Variants in DPP6 observed in about 807,000 individuals in gnomAD.
The protein encoded by DPP6 is dipeptidyl peptidase like 6.
In DPP6, 69 loss-of-function variants were observed where a neutral mutation model predicts 122.6. That is an observed-to-expected ratio of 0.56 (90% CI 0.46 to 0.69). The LOEUF is 0.69. DPP6 is among the 30% of genes least tolerant of loss of function. The probability of loss-of-function intolerance (pLI) is 0.00; values close to 1 mark genes in which losing one functional copy is unlikely to be tolerated. For synonymous variants in DPP6, 418 were observed against 433.1 expected (o/e 0.97, Z 0.43); for missense variants, 928 against 1,116.9 (o/e 0.83, Z 2.41).
At chr7:154,318,599 A>C (rs1807641749) in intron 1 of DPP6, among the ~76,000 whole-genome samples, 1 of 152,236 alleles carries the variant, frequency 6.6e-6, no homozygotes, top group Non-Finnish European at 1.5e-5. Context: ...AGCAAGTTAA[A>C]GATGTCCCAG....
chr7:154,047,792 G>T (rs569162008), upstream of DPP6, among the ~76,000 whole-genome samples: 783 of 151,874 alleles, frequency 5.2e-3, 1 homozygote, highest in African/African-American at 0.018. Context: ...GAAGGGACAT[G>T]CATGAAGGCA....
intron 1 of DPP6, among the ~76,000 whole-genome samples, chr7:153,922,685 A>C (rs1328676251): frequency 6.6e-6 from 1 of 152,234 alleles, no homozygotes; most frequent in African/African-American, 2.4e-5. Flanking sequence ...TCCATAAAAC[A>C]GTGTTACATA....
intron 3 of DPP6, among the ~76,000 whole-genome samples, chr7:154,535,823 C>T (rs1024634379): frequency 1.3e-5 from 2 of 152,080 alleles, no homozygotes; most frequent in African/African-American, 4.8e-5. Context: ...CAGTGAGATA[C>T]CACTACACAC....
intron 16 of DPP6, among the ~76,000 whole-genome samples, chr7:154,834,872 G>A (rs1038758728): frequency 3.3e-5 from 5 of 152,212 alleles, no homozygotes; most frequent in South Asian, 4.1e-4. Context: ...AGACACTGCC[G>A]CAGGGCACCC....
chr7:154,695,056 A>G (rs532548777), intron 7 of DPP6, among the ~76,000 whole-genome samples: 5 of 152,360 alleles, frequency 3.3e-5, no homozygotes, highest in Admixed American at 3.3e-4. Context: ...TCATTAAAAT[A>G]GACCCCGTGG....
intron 1 of DPP6, among the ~76,000 whole-genome samples, chr7:154,445,071 A>G (rs28584385): frequency 1.3e-5 from 2 of 152,164 alleles, no homozygotes; most frequent in African/African-American, 2.4e-5. Context: ...ATGATATTGC[A>G]TATTGTCTAT....
chr7:154,886,987 TTTC>T (rs1193359692), intron 22 of DPP6, among the ~76,000 whole-genome samples: 5 of 152,254 alleles, frequency 3.3e-5, no homozygotes, highest in African/African-American at 9.6e-5. Flanking sequence ...TGAGTGAGAC[TTTC>T]TTAATTCTTT....
chr7:153,838,691 G>A, the DPP6 span, among the ~76,000 whole-genome samples: 1 of 152,088 alleles, frequency 6.6e-6, no homozygotes, highest in African/African-American at 2.4e-5. Flanking sequence ...TTAATGCCTT[G>A]GTGTAAGAAA....
At chr7:154,723,030 G>A (rs930291882) in intron 7 of DPP6, among the ~76,000 whole-genome samples, 1 of 152,124 alleles carries the variant, frequency 6.6e-6, no homozygotes, top group Non-Finnish European at 1.5e-5. Context: ...GGAGGCTGAG[G>A]TGGGTGGATC....
At chr7:154,657,961 T>C (rs1273609332) in intron 6 of DPP6, among the ~76,000 whole-genome samples, 1 of 152,192 alleles carries the variant, frequency 6.6e-6, no homozygotes, top group Non-Finnish European at 1.5e-5. Flanking sequence ...TGATTCCAAC[T>C]ATGTGACATT....
At chr7:153,839,074 ATGCTGC>A in the DPP6 span, among the ~76,000 whole-genome samples, 17 of 151,980 alleles carry the variant, frequency 1.1e-4, no homozygotes, top group Non-Finnish European at 1.6e-4. Flanking sequence ...AAGTTTCCAG[ATGCTGC>A]TGCTGCTGCT....
chr7:153,916,408 T>G, intron 1 of DPP6, among the ~76,000 whole-genome samples: 1 of 53,784 alleles, frequency 1.9e-5, no homozygotes, highest in Admixed American at 2.7e-4. Context: ...CCTCCCCTCC[T>G]CTCTCCTCCC....
chr7:154,356,631 TTCTA>T (rs1213408217), intron 1 of DPP6, among the ~76,000 whole-genome samples: 5 of 151,932 alleles, frequency 3.3e-5, no homozygotes, highest in South Asian at 2.1e-4. Context: ...AGTCAGACAA[TTCTA>T]TCTAAGAAGT....
intron 4 of DPP6, among the ~76,000 whole-genome samples, chr7:154,551,243 AATCT>A (rs1386726677): frequency 2.0e-5 from 3 of 152,234 alleles, no homozygotes; most frequent in Non-Finnish European, 4.4e-5. Flanking sequence ...AATAGTAACA[AATCT>A]ATCTTTTGTT....
chr7:154,876,786 T>G (rs1436199243), intron 20 of DPP6: 1 of 152,252 alleles, frequency 6.6e-6, no homozygotes, highest in Non-Finnish European at 1.5e-5. Context: ...TTCAGGCTCA[T>G]TTTGTAGAAG....
intron 1 of DPP6, among the ~76,000 whole-genome samples, chr7:154,079,149 C>T (rs975796148): frequency 2.0e-5 from 3 of 152,158 alleles, no homozygotes; most frequent in South Asian, 2.1e-4. Flanking sequence ...GAGCTGAGAT[C>T]GCACCACTGT....
chr7:153,923,241 TAGAA>T (rs1429861085), intron 1 of DPP6, among the ~76,000 whole-genome samples: 1 of 152,188 alleles, frequency 6.6e-6, no homozygotes, highest in Non-Finnish European at 1.5e-5. Flanking sequence ...TATTGCCTGT[TAGAA>T]AGACCTGTTT....
At chr7:154,240,488 T>C (rs1170741518) in intron 1 of DPP6, among the ~76,000 whole-genome samples, 1 of 152,208 alleles carries the variant, frequency 6.6e-6, no homozygotes, top group Admixed American at 6.5e-5. Context: ...AAGTTCTCCA[T>C]CTTCCATCCC....
At chr7:154,750,637 C>T (rs1216458573) in intron 8 of DPP6, among the ~76,000 whole-genome samples, 2 of 152,320 alleles carry the variant, frequency 1.3e-5, no homozygotes, top group South Asian at 2.1e-4. Flanking sequence ...CCTTCCGCCA[C>T]GCTTCCTACC....
Sources: gnomAD v4.1 joint callset for allele counts (sites outside exome capture counted in the v4.1 genomes callset) on GRCh38, gnomAD v4.1.1 for gene constraint, MANE v1.5 for transcripts, NCBI Gene and HGNC (gene_info 2026-07-23, HGNC 2026-07-21) for gene names.